RUFY4: variants seen among roughly 807,000 people sequenced by gnomAD.
RUFY4 encodes the protein RUN and FYVE domain-containing protein 4.
Under a neutral mutation model 69.0 loss-of-function variants are expected in RUFY4, and 73 were observed. The observed-to-expected ratio is 1.06, with a 90% CI of 0.88 to 1.29. The LOEUF is 1.29. Ranked by LOEUF, RUFY4 falls within the 50% of genes most tolerant of loss-of-function variation. The probability of loss-of-function intolerance (pLI) is 0.00; values close to 1 mark genes in which losing one functional copy is unlikely to be tolerated. For missense variants in RUFY4, 770 were observed against 705.6 expected, an observed-to-expected ratio of 1.09 and a Z score of -1.03; for synonymous variants, 287 against 271.8, an observed-to-expected ratio of 1.06 and a Z score of -0.55.
At chr2:218,049,545 T>G (rs1688899629) in intron 2 of RUFY4, among the ~76,000 whole-genome samples, 2 of 152,040 alleles carry the variant, frequency 1.3e-5, no homozygotes, top group African/African-American at 2.4e-5. Flanking sequence ...TCACTCTTGT[T>G]GCCCAGGCTG....
chr2:218,068,903 A>G (rs1689411912), upstream of RUFY4: 1 of 152,310 alleles, frequency 6.6e-6, no homozygotes. Context: ...CTCTCAGCCC[A>G]ACCAAGTGAC....
intron 2 of RUFY4, 43 bp downstream of exon 4, chr2:218,070,902 C>A (rs1689470963): frequency 1.4e-6 from 2 of 1,435,294 alleles, no homozygotes; most frequent in Non-Finnish European, 1.9e-6. Flanking sequence ...TCCCCAGACC[C>A]AGATAACTGG....
At chr2:218,052,464 C>T (rs1368763658) in intron 2 of RUFY4, among the ~76,000 whole-genome samples, 4 of 152,166 alleles carry the variant, frequency 2.6e-5, no homozygotes, top group Non-Finnish European at 4.4e-5. Context: ...ATACTCTTAC[C>T]GTGTCTAATT....
chr2:218,060,991 A>C, intron 3 of RUFY4: 1 of 783,992 alleles, frequency 1.3e-6, no homozygotes, highest in Non-Finnish European at 2.3e-6. Context: ...GCCAGGTAAC[A>C]GTCCATGCTG....
chr2:218,087,359 G>C (rs1175427399), intron 9 of RUFY4, among the ~76,000 whole-genome samples: 1 of 152,026 alleles, frequency 6.6e-6, no homozygotes, highest in Non-Finnish European at 1.5e-5. Flanking sequence ...AGCCACATGT[G>C]GGGTAGTGGC....
At chr2:218,076,386 C>T (rs374259148) in intron 7 of RUFY4, 41 bp from the exon 10 acceptor site, 4 of 1,544,428 alleles carry the variant, frequency 2.6e-6, no homozygotes, top group Non-Finnish European at 3.5e-6. Flanking sequence ...GGTCTCTGCC[C>T]TTCTCCTTCA....
chr2:218,043,522 C>T (rs1041310817), intron 2 of RUFY4, among the ~76,000 whole-genome samples: 4 of 152,156 alleles, frequency 2.6e-5, no homozygotes, highest in Non-Finnish European at 5.9e-5. Flanking sequence ...AGCTGGTCAA[C>T]CCAACTTCTG....
At chr2:218,070,467 T>C (rs1255136904), upstream of RUFY4, 4 of 746,536 alleles carry the variant, frequency 5.4e-6, no homozygotes, top group East Asian at 1.1e-4. Flanking sequence ...TAACTTGCTA[T>C]GTCACCCAAG....
chr2:218,085,714 C>T (rs1689878378), intron 9 of RUFY4, among the ~76,000 whole-genome samples: 1 of 152,180 alleles, frequency 6.6e-6, no homozygotes, highest in South Asian at 2.1e-4. Flanking sequence ...ATCCAGCACT[C>T]AGGGGCCTAT....
At chr2:218,057,489 G>A (rs558125183) in intron 2 of RUFY4, among the ~76,000 whole-genome samples, 2 of 151,968 alleles carry the variant, frequency 1.3e-5, no homozygotes, top group South Asian at 2.1e-4. Flanking sequence ...TTCTGTGTCC[G>A]CTCATATACC....
At chr2:218,048,850 C>G (rs148217112) in intron 2 of RUFY4, among the ~76,000 whole-genome samples, 273 of 152,268 alleles carry the variant, frequency 1.8e-3, no homozygotes, top group African/African-American at 6.3e-3. Flanking sequence ...TAAAACGCCT[C>G]TGGATTTTTA....
intron 2 of RUFY4, 99 bp from the exon 5 acceptor site, chr2:218,072,275 G>A (rs1689506575): frequency 2.1e-6 from 3 of 1,416,372 alleles, no homozygotes; most frequent in South Asian, 2.8e-5. Context: ...GTCTGCAGGA[G>A]CCCTCTCCTC....
At chr2:218,037,466 G>A (rs1958997180) in intron 2 of RUFY4, among the ~76,000 whole-genome samples, 2 of 152,124 alleles carry the variant, frequency 1.3e-5, no homozygotes. Context: ...AGACTAATTT[G>A]TTTGCAAAAT....
At chr2:218,078,928 C>T (rs941415380) in intron 8 of RUFY4, among the ~76,000 whole-genome samples, 8 of 152,244 alleles carry the variant, frequency 5.3e-5, no homozygotes, top group African/African-American at 1.2e-4. Flanking sequence ...AGTGCAGTGG[C>T]GACATCTCGG....
chr2:218,077,610 C>T (rs1194143417), intron 8 of RUFY4, among the ~76,000 whole-genome samples: 1 of 152,196 alleles, frequency 6.6e-6, no homozygotes, highest in Admixed American at 6.5e-5. Flanking sequence ...AGTCTGCCCA[C>T]CTGCCCCTGT....
At chr2:218,072,314 T>G in intron 2 of RUFY4, 60 bp from the exon 5 acceptor site, 1 of 1,522,588 alleles carries the variant, frequency 6.6e-7, no homozygotes, top group Non-Finnish European at 8.8e-7. Flanking sequence ...CAAGCTAGAA[T>G]GCAGGGCGTG....
chr2:218,083,333 C>G (rs1689812700), intron 9 of RUFY4, 77 bp downstream of exon 11: 6 of 1,501,884 alleles, frequency 4.0e-6, no homozygotes, highest in Non-Finnish European at 4.5e-6. Context: ...CGTGAAAATT[C>G]TACTCCACTC....
chr2:218,060,232 G>T lies in RUFY4; in HGVS notation c.-1071+1551G>T, dbSNP rs1246476654. On this transcript the variant is annotated intron_variant and NMD_transcript_variant, in intron 3 of 13. Coordinates refer to the RUFY4 transcript ENST00000457754. ...CCTCTGCTTCCTGCGACCACAGTGGGGGCTGCACTGACACTGAGACCAAGA... is the reference window on the plus strand; with the variant it reads ...CCTCTGCTTCCTGCGACCACAGTGGTGGCTGCACTGACACTGAGACCAAGA... The T allele has an allele frequency of 5.6e-6, 6 of 1,076,586 alleles. No homozygotes were observed. In the Admixed American group the frequency reaches 1.5e-4, roughly 26 times the overall value. 66.7% of individuals were successfully genotyped at this position (1,076,586 alleles called of 1,614,324 possible).
At chr2:218,080,982 A>T (rs748481471) in intron 8 of RUFY4, among the ~76,000 whole-genome samples, 2 of 152,230 alleles carry the variant, frequency 1.3e-5, no homozygotes, top group Non-Finnish European at 2.9e-5. Context: ...GGATTATATT[A>T]TCTGTCTCCT....
Sources: gnomAD v4.1 joint callset for allele counts (sites outside exome capture counted in the v4.1 genomes callset) on GRCh38, gnomAD v4.1.1 for gene constraint, MANE v1.5 for transcripts, NCBI Gene and HGNC (gene_info 2026-07-23, HGNC 2026-07-21) for gene names.